Variants in NRXN3 observed in about 807,000 individuals in gnomAD.
NRXN3 encodes the protein neurexin III.
NRXN3 carries 32 observed loss-of-function variants against 137.6 expected under a neutral mutation model. The observed-to-expected ratio is 0.23, with a 90% CI of 0.18 to 0.31. The LOEUF is 0.31. Among genes scored for constraint, NRXN3 ranks in the 10% least tolerant of loss-of-function variants. NRXN3 has a pLI of 1.00. For synonymous variants in NRXN3, 798 were observed against 784.5 expected (o/e 1.02, Z -0.29); for missense variants, 1,574 against 2,062.5 (o/e 0.76, Z 4.59).
Position 78,439,321 on chromosome 14 carries a change from A to G in NRXN3, c.757+141461A>G, listed in dbSNP as rs367802849. Among the ~76,000 whole-genome samples, 299 of 152,324 alleles carry G rather than the reference A, an allele frequency of 2.0e-3. 1 individual carries two copies. Among genetic ancestry groups the G allele is most frequent in the African/African-American group, 6.4e-3 (264 of 41,574 alleles). ...AGAATTTGTAATTGGAATTCTTGCA[A>G]GTGTAAATCTAGGTTGTCTGTTTAA... On this transcript the variant is annotated intron_variant, in intron 4 of 20. Transcript: ENST00000335750.
chr14:79,180,166 TTG>T (rs140259971), intron 15 of NRXN3, among the ~76,000 whole-genome samples: 4,426 of 152,296 alleles, frequency 0.029, 138 homozygotes, highest in East Asian at 0.13. Context: ...GGGGTATTGA[TTG>T]TGCATTATCA....
At chr14:79,534,028 A>G (rs2097191297) in intron 16 of NRXN3, among the ~76,000 whole-genome samples, 1 of 152,196 alleles carries the variant, frequency 6.6e-6, no homozygotes. Flanking sequence ...CTAGAATTGG[A>G]GACTCTTGGA....
At chr14:79,026,950 TTA>T (rs764640398) in intron 15 of NRXN3, among the ~76,000 whole-genome samples, 7 of 135,106 alleles carry the variant, frequency 5.2e-5, no homozygotes, top group South Asian at 2.2e-4. Flanking sequence ...TATTATAATT[TTA>T]TATATATATA....
intron 16 of NRXN3, among the ~76,000 whole-genome samples, chr14:79,505,724 A>G (rs758384386): frequency 6.6e-6 from 1 of 152,212 alleles, no homozygotes; most frequent in African/African-American, 2.4e-5. Context: ...TATGTTTTAT[A>G]TTACTTTCCT....
At chr14:79,484,590 C>T (rs1239544543) in intron 16 of NRXN3, among the ~76,000 whole-genome samples, 1 of 152,160 alleles carries the variant, frequency 6.6e-6, no homozygotes, top group African/African-American at 2.4e-5. Context: ...CAATCTCCAC[C>T]ACTCCCTGTC....
At chr14:78,431,125 G>A (rs1197913815) in intron 4 of NRXN3, among the ~76,000 whole-genome samples, 2 of 152,134 alleles carry the variant, frequency 1.3e-5, no homozygotes, top group African/African-American at 4.8e-5. Context: ...AAATATGGAG[G>A]CCTCTGAAGC....
At chr14:79,546,802 GC>G (rs2097325625) in intron 16 of NRXN3, among the ~76,000 whole-genome samples, 1 of 152,140 alleles carries the variant, frequency 6.6e-6, no homozygotes, top group African/African-American at 2.4e-5. Context: ...CCCAGCTGAA[GC>G]CTGACAGGTT....
At chr14:79,627,731 T>C (rs1279960852) in intron 16 of NRXN3, among the ~76,000 whole-genome samples, 3 of 152,152 alleles carry the variant, frequency 2.0e-5, no homozygotes, top group Non-Finnish European at 4.4e-5. Flanking sequence ...ATCTTTAAAG[T>C]TCAGATGATG....
At chr14:79,100,233 A>G (rs1259922904) in intron 15 of NRXN3, among the ~76,000 whole-genome samples, 6 of 152,222 alleles carry the variant, frequency 3.9e-5, no homozygotes, top group East Asian at 1.9e-4. Context: ...GACAGTCTGT[A>G]TGTATCTGAA....
chr14:79,076,651 G>C (rs190739420), intron 15 of NRXN3, among the ~76,000 whole-genome samples: 20 of 152,278 alleles, frequency 1.3e-4, no homozygotes, highest in Non-Finnish European at 2.9e-5. Flanking sequence ...CACCTCTACT[G>C]TATTCTATTC....
At chr14:79,197,066 G>A (rs1489293371) in intron 15 of NRXN3, among the ~76,000 whole-genome samples, 2 of 152,110 alleles carry the variant, frequency 1.3e-5, no homozygotes, top group Non-Finnish European at 2.9e-5. Flanking sequence ...CTATTTCTGG[G>A]TCCAGCCTGC....
At chr14:78,201,509 A>G (rs952626108) in intron 1 of NRXN3, among the ~76,000 whole-genome samples, 17 of 152,204 alleles carry the variant, frequency 1.1e-4, no homozygotes, top group African/African-American at 4.1e-4. Flanking sequence ...CCTTGGCCGT[A>G]GACACTGTTC....
In NRXN3 at chr14:78,783,203, C is replaced by G. The variant is rs555104869; in HGVS notation, c.2045-20417C>G. The stretch of plus-strand genomic sequence containing the variant: ...CAGGAAATTATCACCAGGAACAAGG[C>G]ATGGGAATATCATGAACCCCTTGAT... On this transcript the variant is annotated intron_variant, in intron 8 of 20. Transcript: ENST00000335750. Among the ~76,000 whole-genome samples the G allele has an allele frequency of 3.9e-5, 6 of 152,286 alleles. No homozygotes were observed. In the South Asian group the frequency reaches 1.2e-3, roughly 32 times the overall value.
chr14:79,475,994 G>A (rs972914864), intron 16 of NRXN3, among the ~76,000 whole-genome samples: 2 of 152,080 alleles, frequency 1.3e-5, no homozygotes, highest in African/African-American at 2.4e-5. Context: ...GGGCTCACAG[G>A]ACTTAATGGC....
intron 15 of NRXN3, chr14:79,280,298 C>T (rs773136759): frequency 1.3e-5 from 21 of 1,613,962 alleles, no homozygotes; most frequent in Non-Finnish European, 2.5e-6. Context: ...GACCATGCAC[C>T]TGAGAATCCA....
intron 19 of NRXN3, among the ~76,000 whole-genome samples, chr14:79,734,381 G>A (rs2098934787): frequency 6.6e-6 from 1 of 152,158 alleles, no homozygotes; most frequent in Non-Finnish European, 1.5e-5. Context: ...AGATGTCATG[G>A]CAAGCTGGGA....
At chr14:78,828,652 T>C (rs760668844) in intron 10 of NRXN3, among the ~76,000 whole-genome samples, 6 of 152,198 alleles carry the variant, frequency 3.9e-5, no homozygotes, top group Admixed American at 1.3e-4. Context: ...GGTACATTTG[T>C]AGAAATTATG....
chr14:79,701,844 C>G (rs537491320), intron 19 of NRXN3, among the ~76,000 whole-genome samples: 1 of 152,070 alleles, frequency 6.6e-6, no homozygotes, highest in African/African-American at 2.4e-5. Flanking sequence ...CTTCTAGTGG[C>G]TATGTTATAT....
At chr14:79,009,674 G>C (rs1485139729) in intron 15 of NRXN3, among the ~76,000 whole-genome samples, 4 of 152,082 alleles carry the variant, frequency 2.6e-5, no homozygotes, top group African/African-American at 4.8e-5. Context: ...ATTTTTGGCT[G>C]CTGTGATTGA....
Sources: allele counts gnomAD v4.1 joint callset (sites outside exome capture counted in the v4.1 genomes callset), GRCh38; gene constraint gnomAD v4.1.1; transcripts MANE v1.5; gene names NCBI Gene and HGNC (gene_info 2026-07-23, HGNC 2026-07-21).